NEK11: variants seen among roughly 807,000 people sequenced by gnomAD.
NEK11 encodes the protein NIMA related kinase 11, also known as serine/threonine-protein kinase Nek11.
In NEK11, 72 loss-of-function variants were observed where a neutral mutation model predicts 80.7. That is an observed-to-expected ratio of 0.89 (90% CI 0.74 to 1.08). The LOEUF (loss-of-function observed/expected upper bound fraction) is 1.08. NEK11 is among the 50% of genes least tolerant of loss of function. The probability of loss-of-function intolerance (pLI) is 0.00; values close to 1 mark genes in which losing one functional copy is unlikely to be tolerated. For synonymous variants in NEK11, 251 were observed against 260.7 expected (o/e 0.96, Z 0.36); for missense variants, 764 against 763.6 (o/e 1.00, Z -0.01).
intron 16 of NEK11, among the ~76,000 whole-genome samples, chr3:131,255,109 AAAGAAAGAAAG>A (rs1341961760): frequency 9.3e-5 from 14 of 151,108 alleles, no homozygotes; most frequent in Middle Eastern, 3.2e-3. Context: ...AGAAAGAAAG[AAAGAAAGAAAG>A]AAAGAAAGAG....
intron 14 of NEK11, 52 bp downstream of exon 14, chr3:131,170,939 T>G: frequency 7.4e-7 from 1 of 1,358,280 alleles, no homozygotes; most frequent in Non-Finnish European, 1.1e-6. Flanking sequence ...CTGCACAGGT[T>G]GCTGTGGCCG....
chr3:131,168,603 G>A (rs901048147), intron 12 of NEK11, among the ~76,000 whole-genome samples: 6 of 151,848 alleles, frequency 4.0e-5, no homozygotes, highest in Admixed American at 6.6e-5. Context: ...TGATCCGCCC[G>A]CCTCGGCCTC....
At chr3:131,253,074 C>T (rs1228081464) in intron 16 of NEK11, among the ~76,000 whole-genome samples, 1 of 152,028 alleles carries the variant, frequency 6.6e-6, no homozygotes, top group Non-Finnish European at 1.5e-5. Flanking sequence ...CTGCCTGATC[C>T]TCAGCATCCA....
chr3:131,296,463 T>G (rs1440194374), intron 17 of NEK11, among the ~76,000 whole-genome samples: 1 of 152,088 alleles, frequency 6.6e-6, no homozygotes, highest in Non-Finnish European at 1.5e-5. Context: ...TTATTTTCCT[T>G]CATTTAACAT....
At chr3:131,279,537 C>A (rs2096361503) in intron 17 of NEK11, among the ~76,000 whole-genome samples, 1 of 152,136 alleles carries the variant, frequency 6.6e-6, no homozygotes, top group Admixed American at 6.5e-5. Context: ...ATTATCAGCA[C>A]AATCAAGATT....
chr3:131,183,699 G>T (rs1308866897), intron 14 of NEK11, among the ~76,000 whole-genome samples: 1 of 152,144 alleles, frequency 6.6e-6, no homozygotes, highest in Non-Finnish European at 1.5e-5. Context: ...TGGACATTTG[G>T]GTTGATTCCA....
rs577742066 is a variant in NEK11, at chr3:131,069,866, T to C, written c.171-10557T>C. On this transcript the variant is annotated intron_variant, in intron 3 of 17. Coordinates refer to ENST00000383366, the MANE Select transcript of NEK11 (RefSeq NM_024800.5). ...GGGGGAGGGATAGCATTGGGAGATA[T>C]ACCTAATGCTAGATGACGAGTTAGT... Among the ~76,000 whole-genome samples the C allele has an allele frequency of 2.3e-3, 348 of 150,966 alleles. 3 individuals carry two copies. The highest frequency in any genetic ancestry group is 7.9e-3 in the African/African-American group (325 of 40,994).
chr3:131,116,788 C>G (rs2149417903), intron 5 of NEK11, among the ~76,000 whole-genome samples: 1 of 152,304 alleles, frequency 6.6e-6, no homozygotes. Context: ...TGAGAAGTGT[C>G]TGTTCATATC....
chr3:131,203,765 GTGTATATATATATA>G (rs2094344806), intron 14 of NEK11, among the ~76,000 whole-genome samples: 6 of 104,280 alleles, frequency 5.8e-5, no homozygotes, highest in African/African-American at 2.1e-4. Context: ...GTGTGTGTGT[GTGTATATATATATA>G]TATATATATA....
In NEK11 at chr3:131,031,150, C is replaced by G. The variant is rs114627243; in HGVS notation, c.170+1272C>G. ...AAGGTAAATGTTAGTGATGTTACTACTTTGTTTTAAAACTCAATCTTTTAA... is the reference window on the plus strand; with the variant it reads ...AAGGTAAATGTTAGTGATGTTACTAGTTTGTTTTAAAACTCAATCTTTTAA... On this transcript the variant is annotated intron_variant, in intron 3 of 17. Transcript: ENST00000383366. Among the ~76,000 whole-genome samples, 763 of 152,284 alleles carry G rather than the reference C, an allele frequency of 5.0e-3. 4 individuals are homozygous for G. Among genetic ancestry groups the G allele is most frequent in the Middle Eastern group, 0.01 (3 of 294 alleles).
chr3:131,097,961 A>G (rs1255072993), intron 4 of NEK11, among the ~76,000 whole-genome samples: 1 of 146,044 alleles, frequency 6.8e-6, no homozygotes, highest in Non-Finnish European at 1.5e-5. Context: ...AAACAGATAT[A>G]GATCAATGGA....
rs565358869 is a variant in NEK11, at chr3:131,182,538, A to G, written c.1399+11651A>G. Among the ~76,000 whole-genome samples the G allele has an allele frequency of 1.0e-3, 158 of 152,292 alleles. 3 individuals are homozygous for G. Among genetic ancestry groups the G allele is most frequent in the African/African-American group, 3.6e-3 (151 of 41,558 alleles). The stretch of plus-strand genomic sequence containing the variant: ...CATCCACATGTGGGGATATATTTAT[A>G]TGAATGTGTAGTATAAACATACCTA... On this transcript the variant is annotated intron_variant, in intron 14 of 17. Transcript: ENST00000383366.
intron 7 of NEK11, among the ~76,000 whole-genome samples, chr3:131,147,286 A>G (rs2088574594): frequency 6.6e-6 from 1 of 152,024 alleles, no homozygotes; most frequent in Non-Finnish European, 1.5e-5. Context: ...TTTCTATATG[A>G]ATATTCAATT....
intron 17 of NEK11, among the ~76,000 whole-genome samples, chr3:131,333,626 TTAAATG>T (rs2097132491): frequency 6.6e-6 from 1 of 152,006 alleles, no homozygotes; most frequent in Non-Finnish European, 1.5e-5. Context: ...AATATTAACT[TTAAATG>T]TAAATGGACT....
intron 17 of NEK11, among the ~76,000 whole-genome samples, chr3:131,297,341 A>G (rs2096606070): frequency 6.6e-6 from 1 of 152,098 alleles, no homozygotes; most frequent in Admixed American, 6.5e-5. Flanking sequence ...CTGACTTTTT[A>G]ATGATTGCCA....
At chr3:131,329,092 T>C (rs1053240831) in intron 17 of NEK11, 32 of 152,260 alleles carry the variant, frequency 2.1e-4, no homozygotes, top group Admixed American at 2.0e-3. Context: ...TTAAGGCTTG[T>C]GTCTAGTCAC....
At chr3:131,186,311 C>T (rs773019686) in intron 14 of NEK11, among the ~76,000 whole-genome samples, 1 of 152,172 alleles carries the variant, frequency 6.6e-6, no homozygotes, top group Non-Finnish European at 1.5e-5. Context: ...ATTAGTTCTA[C>T]ATATCAAATG....
intron 17 of NEK11, among the ~76,000 whole-genome samples, chr3:131,317,148 C>A (rs1464964884): frequency 6.6e-6 from 1 of 152,122 alleles, no homozygotes; most frequent in Non-Finnish European, 1.5e-5. Flanking sequence ...TTTGTGGGCA[C>A]CCTCAGGACT....
intron 4 of NEK11, among the ~76,000 whole-genome samples, chr3:131,101,187 G>A (rs1254169169): frequency 6.6e-6 from 1 of 151,838 alleles, no homozygotes; most frequent in African/African-American, 2.4e-5. Flanking sequence ...ACCAACTCTT[G>A]GTGTCACTGA....
Sources: gnomAD v4.1 joint callset for allele counts (sites outside exome capture counted in the v4.1 genomes callset) on GRCh38, gnomAD v4.1.1 for gene constraint, MANE v1.5 for transcripts, NCBI Gene and HGNC (gene_info 2026-07-23, HGNC 2026-07-21) for gene names.